The following NEU3 variants were observed in gnomAD, a reference collection of about 807,000 sequenced individuals.
NEU3 encodes neuraminidase 3.
A neutral mutation model predicts 11.4 loss-of-function variants in NEU3; 10 were observed. The observed-to-expected ratio is 0.88, with a 90% confidence interval of 0.54 to 1.49. The LOEUF (loss-of-function observed/expected upper bound fraction) is 1.49, where lower values mean the gene tolerates loss of function less well. Among genes scored for constraint, NEU3 ranks in the 40% most tolerant of loss-of-function variants. NEU3 has a pLI of 0.00. For synonymous variants in NEU3, 212 were observed against 228.2 expected, an observed-to-expected ratio of 0.93 and a Z score of 0.64; for missense variants, 529 against 581.8, an observed-to-expected ratio of 0.91 and a Z score of 0.93.
At chr11:74,993,444 T>C (rs923480438) in intron 1 of NEU3, among the ~76,000 whole-genome samples, 2 of 152,154 alleles carry the variant, frequency 1.3e-5, no homozygotes, top group African/African-American at 4.8e-5. Flanking sequence ...GACCTCGTGA[T>C]CCGCCCACCT....
chr11:74,985,472 T>C (rs1948660022), upstream of NEU3, among the ~76,000 whole-genome samples: 1 of 152,342 alleles, frequency 6.6e-6, no homozygotes, highest in South Asian at 2.1e-4. Flanking sequence ...TTTTTAATTT[T>C]ATTTTTACCT....
In NEU3 at chr11:75,005,401, C is replaced by T. The variant is rs1948886375; in HGVS notation, c.307-12C>T. The stretch of plus-strand genomic sequence containing the variant: ...GTATCTCACTCCTACTTTCTCCCTT[C>T]TCCTTGTCTAGTGGGGGCCCCTGAA... On this transcript the variant is annotated splice_polypyrimidine_tract_variant and intron_variant, in intron 2 of 2. Transcript: ENST00000294064. 6.3e-7 allele frequency: 1 copy of T among 1,581,498 alleles called. No homozygotes were observed. The highest frequency in any genetic ancestry group is 1.8e-5 in the Admixed American group (1 of 54,638).
intron 2 of NEU3, among the ~76,000 whole-genome samples, chr11:74,997,690 C>CA (rs35900546): frequency 0.66 from 64,085 of 97,570 alleles, 20,546 homozygotes; most frequent in East Asian, 0.72. Context: ...CTAAAAATAC[C>CA]AAAAAAAAAA....
the NEU3 span, among the ~76,000 whole-genome samples, chr11:74,982,531 C>G: frequency 6.6e-6 from 1 of 152,114 alleles, no homozygotes; most frequent in African/African-American, 2.4e-5. Flanking sequence ...TCAACCTACT[C>G]TAGAACTTCT....
downstream of NEU3, among the ~76,000 whole-genome samples, chr11:75,020,369 G>A (rs1298160548): frequency 6.6e-6 from 1 of 152,172 alleles, no homozygotes; most frequent in African/African-American, 2.4e-5. Context: ...GGGGCCAGGA[G>A]CAGAATGATA....
At chr11:75,002,234 G>A (rs987180368) in intron 2 of NEU3, among the ~76,000 whole-genome samples, 7 of 152,096 alleles carry the variant, frequency 4.6e-5, no homozygotes, top group African/African-American at 1.7e-4. Flanking sequence ...AAAATGTTTT[G>A]TAGAGATAAG....
At chr11:74,993,174 T>C (rs1948750358) in intron 1 of NEU3, among the ~76,000 whole-genome samples, 2 of 152,086 alleles carry the variant, frequency 1.3e-5, no homozygotes, top group Admixed American at 1.3e-4. Flanking sequence ...GGTTAGACTC[T>C]AGTGGGTTTT....
intron 2 of NEU3, among the ~76,000 whole-genome samples, chr11:75,000,398 C>T (rs1218787365): frequency 6.6e-6 from 1 of 152,288 alleles, no homozygotes; most frequent in Admixed American, 6.5e-5. Context: ...ATTTCTCCCT[C>T]CTCAGTCCCT....
the NEU3 span, among the ~76,000 whole-genome samples, chr11:74,980,654 A>G: frequency 1.3e-5 from 2 of 152,184 alleles, no homozygotes; most frequent in Non-Finnish European, 2.9e-5. Flanking sequence ...AACCCACCCT[A>G]TGGTCCCCTT....
At chr11:75,017,711 G>A (rs1398895629) in intron 3 of NEU3, among the ~76,000 whole-genome samples, 1 of 152,144 alleles carries the variant, frequency 6.6e-6, no homozygotes, top group Non-Finnish European at 1.5e-5. Context: ...CTGTGAGCCA[G>A]GCTGAGTTCT....
rs1461013842 is a variant in NEU3, at chr11:75,005,453, G to C, written c.347G>C (p.Gly116Ala). 6.2e-7 allele frequency: 1 copy of C among 1,613,636 alleles called. No individual in the cohort carries two copies. Among genetic ancestry groups the C allele is most frequent in the South Asian group, 1.1e-5 (1 of 91,036 alleles). ...LKPLMEATLP[G>A]HRTMNPCPVW... ...CCACTGATGGAAGCCACACTACCGG[G>C]GCATCGGACCATGAACCCCTGTCCT... is the stretch of plus-strand genomic sequence containing the variant. The change falls in exon 3 of 3, where the codon GGG becomes GCG. Residue 116 changes from glycine to alanine, a missense_variant. Gly to Ala is a moderately conservative substitution (Grantham distance 60). Coordinates refer to ENST00000294064, the MANE Select transcript of NEU3 (RefSeq NM_006656.6).
chr11:74,985,786 C>A (rs1205977655), upstream of NEU3, among the ~76,000 whole-genome samples: 1 of 152,214 alleles, frequency 6.6e-6, no homozygotes, highest in Non-Finnish European at 1.5e-5. Context: ...TGCAGCAACA[C>A]GTGTGTAATG....
At chr11:74,994,362 G>A in intron 1 of NEU3, 147 bp from the exon 2 acceptor site, 1 of 563,560 alleles carries the variant, frequency 1.8e-6, no homozygotes, top group Non-Finnish European at 3.1e-6. Flanking sequence ...GCTATTGAGA[G>A]CATATGTTAT....
intron 1 of NEU3, among the ~76,000 whole-genome samples, chr11:74,994,134 C>G (rs1018249674): frequency 1.3e-5 from 2 of 152,156 alleles, no homozygotes; most frequent in Non-Finnish European, 2.9e-5. Flanking sequence ...TAGGCATTCA[C>G]TCATACAGAT....
At position 75,009,903 on chromosome 11, in the gene NEU3, CG is replaced by C. The variant is rs1948939675; in HGVS notation, c.*3414del. On this transcript the variant is annotated 3_prime_UTR_variant, in exon 3 of 3. Transcript: ENST00000294064. ...ACAGGACATCAAGCAGCTTCAGCCA[CG>C]GGTAAGAGGCTTTTCACCCTGCCTG... 6.6e-6 allele frequency: 1 copy of C among 152,290 alleles called. No individual in the cohort carries two copies. The highest frequency in any genetic ancestry group is 1.5e-5 in the Non-Finnish European group (1 of 68,094). 9.4% of individuals were successfully genotyped at this position (152,290 alleles called of 1,614,324 possible). A position where few individuals can be genotyped will look rare whatever the true frequency, so the allele number is the denominator to read the frequency against.
At chr11:74,996,797 A>G (rs1377054559) in intron 2 of NEU3, among the ~76,000 whole-genome samples, 3 of 152,242 alleles carry the variant, frequency 2.0e-5, no homozygotes, top group African/African-American at 7.2e-5. Flanking sequence ...TCCGTGGGCT[A>G]CAGAATGGAT....
At chr11:74,982,054 A>C in the NEU3 span, among the ~76,000 whole-genome samples, 1 of 152,248 alleles carries the variant, frequency 6.6e-6, no homozygotes, top group African/African-American at 2.4e-5. Flanking sequence ...CTCCAGCTGA[A>C]AGGCAGTATG....
downstream of NEU3, among the ~76,000 whole-genome samples, chr11:75,012,193 A>G (rs981619817): frequency 1.3e-4 from 20 of 152,190 alleles, no homozygotes; most frequent in Non-Finnish European, 1.5e-5. Flanking sequence ...TAGCCTAAAT[A>G]CTTTGAGGAA....
intron 2 of NEU3, among the ~76,000 whole-genome samples, chr11:74,998,605 T>C (rs1948815428): frequency 6.6e-6 from 1 of 152,250 alleles, no homozygotes; most frequent in African/African-American, 2.4e-5. Flanking sequence ...AATCTGACCA[T>C]TAAATCTTCA....
Sources: allele counts gnomAD v4.1 joint callset (sites outside exome capture counted in the v4.1 genomes callset), GRCh38; gene constraint gnomAD v4.1.1; transcripts MANE v1.5; gene names NCBI Gene and HGNC (gene_info 2026-07-23, HGNC 2026-07-21).